Variants in GPBP1 observed in about 807,000 individuals in gnomAD.
GPBP1 encodes vasculin.
A neutral mutation model predicts 56.5 loss-of-function variants in GPBP1; 13 were observed. That is an observed-to-expected ratio of 0.23 (90% CI 0.15 to 0.37). GPBP1 has a LOEUF of 0.37. Among genes scored for constraint, GPBP1 ranks in the 10% least tolerant of loss-of-function variants. The pLI is 1.00. For synonymous variants in GPBP1, 204 were observed against 188.9 expected (o/e 1.08, Z -0.66); for missense variants, 477 against 572.3 (o/e 0.83, Z 1.70).
chr5:57,237,379 T>C (rs781252381), intron 6 of GPBP1: 1 of 513,410 alleles, frequency 1.9e-6, no homozygotes, highest in Admixed American at 3.2e-5. Flanking sequence ...CTGGGTTGAT[T>C]TAATAATCTT....
chr5:57,231,011 T>G (rs768641167), intron 4 of GPBP1, 42 bp downstream of exon 4: 2 of 1,584,758 alleles, frequency 1.3e-6, no homozygotes, highest in Non-Finnish European at 1.7e-6. Flanking sequence ...TAATTTTCTT[T>G]ATGATTTTTA....
intron 10 of GPBP1, among the ~76,000 whole-genome samples, chr5:57,255,835 T>G (rs1355831698): frequency 6.6e-6 from 1 of 152,152 alleles, no homozygotes; most frequent in East Asian, 1.9e-4. Flanking sequence ...TTTTGATGGT[T>G]CTTCTTTCAT....
At chr5:57,179,607 G>GT (rs1316155125) in intron 2 of GPBP1, among the ~76,000 whole-genome samples, 2 of 151,944 alleles carry the variant, frequency 1.3e-5, no homozygotes, top group Non-Finnish European at 2.9e-5. Flanking sequence ...GTTTTTTTGG[G>GT]TTTTTTTGAG....
chr5:57,251,764 CTA>C (rs1162334500), intron 10 of GPBP1, among the ~76,000 whole-genome samples: 1 of 151,938 alleles, frequency 6.6e-6, no homozygotes, highest in Non-Finnish European at 1.5e-5. Flanking sequence ...AACTGACAAA[CTA>C]TTTTCCAAAA....
rs199764686 is a variant in GPBP1, at chr5:57,225,505, A to AC, written c.64-5341_64-5340insC. Among the ~76,000 whole-genome samples, 660 of 139,812 alleles carry AC rather than the reference A, an allele frequency of 4.7e-3. 9 individuals carry two copies. Among genetic ancestry groups the AC allele is most frequent in the African/African-American group, 0.015 (564 of 37,074 alleles). The allele number at this position is 139,812 out of a possible 152,430, so 91.7% of individuals were successfully genotyped here. On this transcript the variant is annotated intron_variant, in intron 3 of 11. Transcript: ENST00000506184. ...AGATTCCTTCTCAAAAAAAAAAAAA[A>AC]AAAAAACAAACTGGTATTATTTGTG...
chr5:57,239,067 T>A (rs921777443), intron 6 of GPBP1, among the ~76,000 whole-genome samples: 14 of 152,246 alleles, frequency 9.2e-5, no homozygotes, highest in African/African-American at 2.7e-4. Context: ...AAGGGAAAAT[T>A]CTTCGTTGGA....
rs541120070 is a variant in GPBP1 at position 57,207,386 on chromosome 5, A to G, written c.-57-6688A>G. Among the ~76,000 whole-genome samples, 8 of 152,210 alleles carry G rather than the reference A, an allele frequency of 5.3e-5. No individual in the cohort carries two copies. The South Asian group carries it at 1.2e-3, about 24-fold the overall frequency. On this transcript the variant is annotated intron_variant, in intron 2 of 11. Coordinates refer to ENST00000506184, the MANE Select transcript of GPBP1 (RefSeq NM_022913.4). The stretch of plus-strand genomic sequence containing the variant: ...GGTTCTCTTATCCCCTTTGCAGGGC[A>G]TGTGATGGGGGTGTGCCTTGCTTCT...
chr5:57,203,282 T>G (rs1755095244), intron 2 of GPBP1, among the ~76,000 whole-genome samples: 1 of 152,170 alleles, frequency 6.6e-6, no homozygotes, highest in Admixed American at 6.6e-5. Context: ...TGGAATAATT[T>G]AACAAATAGA....
chr5:57,174,323 C>G (rs561017397), intron 1 of GPBP1, 112 bp downstream of exon 1: 17 of 152,548 alleles, frequency 1.1e-4, no homozygotes, highest in African/African-American at 4.1e-4. Flanking sequence ...AGGTGTGAGG[C>G]TGCCCGCCGA....
intron 2 of GPBP1, among the ~76,000 whole-genome samples, chr5:57,186,769 CTG>C (rs1243324195): frequency 6.6e-6 from 1 of 152,208 alleles, no homozygotes; most frequent in Non-Finnish European, 1.5e-5. Context: ...CAGAGTCTCA[CTG>C]TGTTGCCCAG....
intron 3 of GPBP1, among the ~76,000 whole-genome samples, chr5:57,220,364 T>C (rs1299671036): frequency 3.3e-5 from 5 of 152,066 alleles, no homozygotes; most frequent in Admixed American, 3.3e-4. Context: ...GCCCTCATAA[T>C]GATGATGATT....
intron 3 of GPBP1, among the ~76,000 whole-genome samples, chr5:57,215,089 ACAGAGCATCTTAC>A (rs894351255): frequency 6.6e-6 from 1 of 152,236 alleles, no homozygotes; most frequent in African/African-American, 2.4e-5. Flanking sequence ...TATACTTTGA[ACAGAGCATCTTAC>A]CTTTTTCTAT....
At position 57,188,635 on chromosome 5, in the gene GPBP1, C is replaced by T. The variant is rs138381948; in HGVS notation, c.-58+12235C>T. Among the ~76,000 whole-genome samples, 714 of 152,030 alleles carry T rather than the reference C, an allele frequency of 4.7e-3. 7 individuals carry two copies. The highest frequency in any genetic ancestry group is 0.017 in the East Asian group (90 of 5,158). On this transcript the variant is annotated intron_variant, in intron 2 of 11. Transcript: ENST00000506184. ...TTGGGTGCCTGTAATCCCAGCTACT[C>T]GGGAGGCTGAGGCATGAGAATTGCT...
chr5:57,204,444 A>T (rs2111714228), intron 2 of GPBP1, among the ~76,000 whole-genome samples: 1 of 151,980 alleles, frequency 6.6e-6, no homozygotes, highest in Non-Finnish European at 1.5e-5. Flanking sequence ...TAGAGATCGG[A>T]TTTTGCCACG....
At chr5:57,209,207 A>G (rs1489100758) in intron 2 of GPBP1, among the ~76,000 whole-genome samples, 2 of 152,176 alleles carry the variant, frequency 1.3e-5, no homozygotes, top group Admixed American at 1.3e-4. Flanking sequence ...GCTCTAATAC[A>G]TATTTTTTCT....
chr5:57,202,411 C>T (rs540527205), intron 2 of GPBP1, among the ~76,000 whole-genome samples: 1 of 152,058 alleles, frequency 6.6e-6, no homozygotes, highest in Admixed American at 6.6e-5. Flanking sequence ...GCCTCAGCGT[C>T]CTGAGTAGCT....
chr5:57,210,012 A>G (rs1246425266), intron 2 of GPBP1, among the ~76,000 whole-genome samples: 2 of 152,186 alleles, frequency 1.3e-5, no homozygotes, highest in Non-Finnish European at 2.9e-5. Context: ...GTTTTCTGAA[A>G]TCATTATAAA....
chr5:57,184,978 A>C (rs1754220830), intron 2 of GPBP1, among the ~76,000 whole-genome samples: 1 of 152,112 alleles, frequency 6.6e-6, no homozygotes, highest in South Asian at 2.1e-4. Flanking sequence ...TATTATTGCT[A>C]AATAGTATTC....
chr5:57,260,295 C>T (rs1221182848), intron 10 of GPBP1, among the ~76,000 whole-genome samples: 1 of 152,152 alleles, frequency 6.6e-6, no homozygotes, highest in African/African-American at 2.4e-5. Flanking sequence ...TCTGTGAGGG[C>T]TTCATCTTCA....
Sources: gnomAD v4.1 joint callset for allele counts (sites outside exome capture counted in the v4.1 genomes callset) on GRCh38, gnomAD v4.1.1 for gene constraint, MANE v1.5 for transcripts, NCBI Gene and HGNC (gene_info 2026-07-23, HGNC 2026-07-21) for gene names.